The following PDE1C variants were observed in gnomAD, a reference collection of about 807,000 sequenced individuals.
The protein encoded by PDE1C is phosphodiesterase 1C, also known as dual specificity calcium/calmodulin-dependent 3',5'-cyclic nucleotide phosphodiesterase 1C.
Under a neutral mutation model 93.1 loss-of-function variants are expected in PDE1C, and 62 were observed. The ratio of observed to expected loss-of-function variants is 0.67; its 90% CI spans 0.54 to 0.82. The LOEUF is 0.82. PDE1C is among the 40% of genes least tolerant of loss of function. The probability of loss-of-function intolerance (pLI) is 0.00; values close to 1 mark genes in which losing one functional copy is unlikely to be tolerated. For missense variants in PDE1C, 742 were observed against 884.6 expected (o/e 0.84, Z 2.04); for synonymous variants, 325 against 310.1 (o/e 1.05, Z -0.50).
chr7:31,668,972 G>A, the PDE1C span, among the ~76,000 whole-genome samples: 2 of 152,198 alleles, frequency 1.3e-5, no homozygotes, highest in Non-Finnish European at 2.9e-5. Context: ...GAGGATGTCA[G>A]TAAGGCTGAA....
chr7:32,288,078 C>T (rs953792324), intron 1 of PDE1C, among the ~76,000 whole-genome samples: 5 of 152,074 alleles, frequency 3.3e-5, no homozygotes, highest in East Asian at 1.9e-4. Context: ...CACTTGAACC[C>T]GGAAGGCAGA....
intron 2 of PDE1C, among the ~76,000 whole-genome samples, chr7:31,987,040 A>G (rs1456344232): frequency 1.3e-5 from 2 of 152,208 alleles, no homozygotes; most frequent in East Asian, 3.9e-4. Flanking sequence ...TTAAATGAGC[A>G]TGAGTCAGAA....
intron 1 of PDE1C, among the ~76,000 whole-genome samples, chr7:32,273,026 A>G (rs1163378379): frequency 1.3e-5 from 2 of 152,238 alleles, no homozygotes; most frequent in Admixed American, 1.3e-4. Context: ...CCTCTATAGC[A>G]CTGGCTTTGA....
intron 1 of PDE1C, among the ~76,000 whole-genome samples, chr7:32,285,145 C>T (rs1191446274): frequency 6.6e-6 from 1 of 152,192 alleles, no homozygotes; most frequent in African/African-American, 2.4e-5. Flanking sequence ...AACAAACTCT[C>T]CATTTGGTTT....
At chr7:32,369,370 C>T (rs898572957) in intron 1 of PDE1C, among the ~76,000 whole-genome samples, 5 of 152,080 alleles carry the variant, frequency 3.3e-5, no homozygotes, top group African/African-American at 1.2e-4. Flanking sequence ...ATACAAATGG[C>T]CAAGAAATAC....
At chr7:31,877,945 T>G in intron 5 of PDE1C, 25 bp downstream of exon 5, 1 of 1,523,504 alleles carries the variant, frequency 6.6e-7, no homozygotes, top group Non-Finnish European at 9.1e-7. Context: ...CCATGTACAT[T>G]GTAAAATCTT....
At chr7:31,667,826 G>A in the PDE1C span, among the ~76,000 whole-genome samples, 14 of 151,956 alleles carry the variant, frequency 9.2e-5, no homozygotes, top group South Asian at 2.9e-3. Context: ...CTGAGGTGGA[G>A]GATGAATCTG....
chr7:32,042,511 G>T (rs1791964805), intron 2 of PDE1C, among the ~76,000 whole-genome samples: 1 of 152,142 alleles, frequency 6.6e-6, no homozygotes, highest in South Asian at 2.1e-4. Context: ...ATGAGAAAAT[G>T]CATGTAAAGC....
intron 1 of PDE1C, among the ~76,000 whole-genome samples, chr7:32,269,747 G>A (rs985900208): frequency 6.6e-6 from 1 of 151,892 alleles, no homozygotes; most frequent in Non-Finnish European, 1.5e-5. Context: ...CAAAGTGCTG[G>A]GATTACAGGC....
In PDE1C at chr7:31,867,445, T is replaced by C. The variant is rs1324886371; in HGVS notation, c.610-2363A>G. Among the ~76,000 whole-genome samples, 4 of 152,098 alleles carry C rather than the reference T, an allele frequency of 2.6e-5. No individual in the cohort carries two copies. The East Asian group carries it at 5.8e-4, about 22-fold the overall frequency. On this transcript the variant is annotated intron_variant, in intron 6 of 17. Transcript: ENST00000396191. ...GATAGCCCAGTCCAGTCCACTACTA[T>C]TGGGAACTGAGTACTCATCTCAAGC...
Position 31,873,305 on chromosome 7 carries a change from A to C in PDE1C, c.596T>G (p.Ile199Ser). ...AGAGGTACTGACCTTGAAACGGCTG[A>C]TCAGATCATAACGTGTGAGTAGTTC... ...FYELLTRYDLISRFKIPISAL... is the reference protein window; with the variant it reads ...FYELLTRYDLSSRFKIPISAL... Residue 199 changes from isoleucine to serine, a missense_variant, in exon 6 of 18, where the codon ATC (isoleucine) becomes AGC (serine). Ile to Ser is a moderately radical substitution (Grantham distance 142). Transcript: ENST00000396191. The C allele has an allele frequency of 1.9e-6, 3 of 1,605,956 alleles. No homozygotes were observed. Among genetic ancestry groups the C allele is most frequent in the Non-Finnish European group, 2.6e-6 (3 of 1,172,982 alleles).
chr7:31,813,336 T>C (rs935560897), intron 15 of PDE1C, among the ~76,000 whole-genome samples: 1 of 152,158 alleles, frequency 6.6e-6, no homozygotes, highest in Non-Finnish European at 1.5e-5. Context: ...TCTGTCACTC[T>C]AGAAGCAGCC....
At chr7:32,387,240 T>A (rs1310944709) in intron 1 of PDE1C, among the ~76,000 whole-genome samples, 1 of 152,082 alleles carries the variant, frequency 6.6e-6, no homozygotes, top group Non-Finnish European at 1.5e-5. Context: ...TTTTTCTTAG[T>A]ACAGAACAAA....
chr7:31,968,690 T>G (rs549692165), intron 2 of PDE1C, among the ~76,000 whole-genome samples: 1 of 152,146 alleles, frequency 6.6e-6, no homozygotes, highest in Non-Finnish European at 1.5e-5. Context: ...GGAGGCATCA[T>G]GCTACCTGAC....
At chr7:32,152,567 G>C (rs1336262656) in intron 3 of PDE1C, among the ~76,000 whole-genome samples, 1 of 152,144 alleles carries the variant, frequency 6.6e-6, no homozygotes, top group African/African-American at 2.4e-5. Context: ...GGCTACTCAG[G>C]GCCCCTCTTT....
intron 3 of PDE1C, among the ~76,000 whole-genome samples, chr7:32,164,435 A>G (rs913097151): frequency 2.0e-5 from 3 of 152,188 alleles, no homozygotes; most frequent in African/African-American, 7.2e-5. Flanking sequence ...TTTTTTCACC[A>G]ACAACAAATC....
chr7:31,907,037 T>C (rs1427781304), intron 2 of PDE1C, among the ~76,000 whole-genome samples: 1 of 150,722 alleles, frequency 6.6e-6, no homozygotes, highest in South Asian at 2.1e-4. Flanking sequence ...AGAATAGGAC[T>C]TGAGAATGAG....
At chr7:32,371,835 TC>T (rs1784341261) in intron 1 of PDE1C, among the ~76,000 whole-genome samples, 1 of 152,142 alleles carries the variant, frequency 6.6e-6, no homozygotes, top group Admixed American at 6.5e-5. Context: ...AACAAGCTGA[TC>T]CTAAAAGTCA....
At chr7:32,249,512 G>A (rs1809207817) in intron 1 of PDE1C, among the ~76,000 whole-genome samples, 1 of 152,142 alleles carries the variant, frequency 6.6e-6, no homozygotes, top group Non-Finnish European at 1.5e-5. Flanking sequence ...GGCTAACTCA[G>A]TAAAAAGGCT....
Sources: allele counts gnomAD v4.1 joint callset (sites outside exome capture counted in the v4.1 genomes callset), GRCh38; gene constraint gnomAD v4.1.1; transcripts MANE v1.5; gene names NCBI Gene and HGNC (gene_info 2026-07-23, HGNC 2026-07-21).